NSG1: variants seen among roughly 807,000 people sequenced by gnomAD.
NSG1 encodes neuronal vesicle trafficking associated 1, also known as neuronal vesicle trafficking-associated protein 1.
NSG1 carries 9 observed loss-of-function variants against 19.3 expected under a neutral mutation model. That is an observed-to-expected ratio of 0.47 (90% confidence interval 0.28 to 0.81). The LOEUF (loss-of-function observed/expected upper bound fraction) is 0.81, where lower values mean the gene tolerates loss of function less well. NSG1 is among the 40% of genes least tolerant of loss of function. NSG1 has a pLI of 0.11. For missense variants in NSG1, 236 were observed against 242.4 expected (o/e 0.97, Z 0.18); for synonymous variants, 104 against 107.0 (o/e 0.97, Z 0.17).
intron 3 of NSG1, among the ~76,000 whole-genome samples, chr4:4,392,585 C>T (rs926398282): frequency 2.0e-5 from 3 of 152,198 alleles, no homozygotes; most frequent in South Asian, 4.1e-4. Flanking sequence ...TGGGAGCCAT[C>T]CCTGGTTAAC....
At chr4:4,405,201 G>T (rs1399228940) in intron 3 of NSG1, among the ~76,000 whole-genome samples, 2 of 152,164 alleles carry the variant, frequency 1.3e-5, no homozygotes, top group Non-Finnish European at 2.9e-5. Flanking sequence ...TGGCTTTGCT[G>T]TGTAGACACA....
At chr4:4,393,659 A>G (rs1723106407) in intron 3 of NSG1, among the ~76,000 whole-genome samples, 1 of 152,000 alleles carries the variant, frequency 6.6e-6, no homozygotes, top group Admixed American at 6.6e-5. Context: ...TTCCTCCTTT[A>G]TGATTCACAA....
At chr4:4,411,901 T>C (rs1282091507) in intron 4 of NSG1, among the ~76,000 whole-genome samples, 1 of 152,056 alleles carries the variant, frequency 6.6e-6, no homozygotes, top group Non-Finnish European at 1.5e-5. Context: ...GATTAAAAAG[T>C]ATAGTACGGT....
intron 3 of NSG1, among the ~76,000 whole-genome samples, chr4:4,408,465 G>T (rs890144623): frequency 6.6e-6 from 1 of 152,118 alleles, no homozygotes; most frequent in Non-Finnish European, 1.5e-5. Context: ...GCTTTTTATT[G>T]ATTGATTTAT....
chr4:4,399,959 TCTC>T (rs749134720), intron 3 of NSG1, among the ~76,000 whole-genome samples: 42 of 152,346 alleles, frequency 2.8e-4, no homozygotes, highest in Non-Finnish European at 4.7e-4. Context: ...CTGCCACTCA[TCTC>T]CTGCTGTGCA....
chr4:4,387,882 G>T, intron 2 of NSG1, 124 bp downstream of exon 2: 1 of 813,650 alleles, frequency 1.2e-6, no homozygotes, highest in Non-Finnish European at 2.0e-6. Flanking sequence ...TCGGGAGGCC[G>T]GAGGGAGCGC....
At chr4:4,414,366 G>C (rs1346865931) in intron 4 of NSG1, among the ~76,000 whole-genome samples, 2 of 152,052 alleles carry the variant, frequency 1.3e-5, no homozygotes, top group East Asian at 3.9e-4. Flanking sequence ...AGAGTCCCCT[G>C]ATAAGTTGTT....
chr4:4,408,089 G>T (rs1723963944), intron 3 of NSG1, among the ~76,000 whole-genome samples: 2 of 152,152 alleles, frequency 1.3e-5, no homozygotes. Context: ...ATGGGAACTG[G>T]GGACTGCATG....
intron 3 of NSG1, among the ~76,000 whole-genome samples, chr4:4,400,473 G>A (rs1463132040): frequency 6.6e-6 from 1 of 152,234 alleles, no homozygotes; most frequent in South Asian, 2.1e-4. Flanking sequence ...TCCATTTTCG[G>A]CAAACAAACA....
chr4:4,404,620 G>T (rs1277109346), intron 3 of NSG1, among the ~76,000 whole-genome samples: 1 of 152,236 alleles, frequency 6.6e-6, no homozygotes, highest in South Asian at 2.1e-4. Context: ...GCATGTTGTT[G>T]TAGAGGAAGC....
chr4:4,416,939 A>G (rs1388142862), intron 4 of NSG1, among the ~76,000 whole-genome samples: 1 of 152,208 alleles, frequency 6.6e-6, no homozygotes, highest in Non-Finnish European at 1.5e-5. Context: ...TAAAAATGAC[A>G]ACTAGTGCAA....
chr4:4,408,430 G>A (rs562652488), intron 3 of NSG1, among the ~76,000 whole-genome samples: 7 of 152,282 alleles, frequency 4.6e-5, no homozygotes, highest in South Asian at 2.1e-4. Context: ...CTGGGCAGGC[G>A]GAGGGCCATC....
chr4:4,403,213 G>C (rs1055637086), intron 3 of NSG1, among the ~76,000 whole-genome samples: 5 of 152,228 alleles, frequency 3.3e-5, no homozygotes, highest in African/African-American at 1.2e-4. Context: ...GAAAGGAGAG[G>C]TGAGTGTAAC....
chr4:4,390,247 C>T (rs1722926676), intron 2 of NSG1, among the ~76,000 whole-genome samples: 2 of 152,224 alleles, frequency 1.3e-5, no homozygotes, highest in Non-Finnish European at 2.9e-5. Flanking sequence ...GGTGCCCAGG[C>T]CAACCCATGC....
At chr4:4,404,965 T>C (rs1577289548) in intron 3 of NSG1, among the ~76,000 whole-genome samples, 3 of 151,960 alleles carry the variant, frequency 2.0e-5, no homozygotes, top group South Asian at 2.1e-4. Flanking sequence ...AGAACAAGTA[T>C]GGGGGAGGGG....
chr4:4,391,425 C>T, intron 2 of NSG1, 50 bp from the exon 3 acceptor site: 1 of 1,261,660 alleles, frequency 7.9e-7, no homozygotes, highest in Non-Finnish European at 1.1e-6. Context: ...CCTCTTTGGG[C>T]AGATATGTCT....
intron 1 of NSG1, 39 bp from the exon 2 acceptor site, chr4:4,387,565 T>TGGGGGGG: frequency 3.9e-6 from 1 of 259,616 alleles, no homozygotes; most frequent in East Asian, 1.1e-4. Context: ...CCGCCCCGGG[T>TGGGGGGG]CTTGCTTGTG....
rs1161754574 is a variant in NSG1, at chr4:4,402,371, A to ATTTTTTTTT, written c.247-7176_247-7168dup. On this transcript the variant is annotated intron_variant, in intron 3 of 4. Transcript: ENST00000621129. ...TAGACACGCAGCACCACGCCTGGTT[A>ATTTTTTTTT]TTTTTTTTTTTTTTTTTTTTTTTTT... Among the ~76,000 whole-genome samples, 23 of 53,948 alleles carry ATTTTTTTTT rather than the reference A, an allele frequency of 4.3e-4. 4 individuals are homozygous for ATTTTTTTTT. The highest frequency in any genetic ancestry group is 1.2e-3 in the African/African-American group (20 of 16,508). The allele number at this position is 53,948 out of a possible 152,430, so 35.4% of individuals were successfully genotyped here.
At chr4:4,394,997 C>T (rs1252777271) in intron 3 of NSG1, among the ~76,000 whole-genome samples, 5 of 152,206 alleles carry the variant, frequency 3.3e-5, no homozygotes, top group East Asian at 1.9e-4. Flanking sequence ...GCTGGGCAGC[C>T]GGCTCTAGAA....
Sources: gnomAD v4.1 joint callset for allele counts (sites outside exome capture counted in the v4.1 genomes callset) on GRCh38, gnomAD v4.1.1 for gene constraint, MANE v1.5 for transcripts, NCBI Gene and HGNC (gene_info 2026-07-23, HGNC 2026-07-21) for gene names.